Variants in PAPPA observed in about 807,000 individuals in gnomAD.
The protein encoded by PAPPA is pappalysin-1.
Under a neutral mutation model 164.0 loss-of-function variants are expected in PAPPA, and 60 were observed. The observed-to-expected ratio is 0.37, with a 90% CI of 0.30 to 0.45. PAPPA has a LOEUF of 0.45. PAPPA is among the 20% of genes least tolerant of loss of function. The probability of loss-of-function intolerance (pLI) is 1.00; values close to 1 mark genes in which losing one functional copy is unlikely to be tolerated. For synonymous variants in PAPPA, 875 were observed against 814.1 expected, an observed-to-expected ratio of 1.07 and a Z score of -1.27; for missense variants, 1,782 against 2,087.3, an observed-to-expected ratio of 0.85 and a Z score of 2.85.
At chr9:116,367,561 G>C in intron 18 of PAPPA, 84 bp from the exon 19 acceptor site, 1 of 974,662 alleles carries the variant, frequency 1.0e-6, no homozygotes, top group South Asian at 1.4e-5. Context: ...ACCAGGGAGT[G>C]GGAGGGCCCA....
chr9:116,155,258 C>A (rs903957842), intron 1 of PAPPA, among the ~76,000 whole-genome samples: 1 of 152,172 alleles, frequency 6.6e-6, no homozygotes, highest in African/African-American at 2.4e-5. Context: ...GGCTGCGAAA[C>A]GGGGCGCTTT....
chr9:116,362,507 A>C, intron 17 of PAPPA, 85 bp from the exon 18 acceptor site: 3 of 1,436,142 alleles, frequency 2.1e-6, no homozygotes, highest in Non-Finnish European at 9.5e-7. Context: ...AGAGATGAAA[A>C]ATTCTTTTCT....
chr9:116,382,241 T>C (rs1846741994), intron 20 of PAPPA, among the ~76,000 whole-genome samples, 154 bp from the exon 21 acceptor site: 1 of 152,084 alleles, frequency 6.6e-6, no homozygotes. Context: ...AGGTGATAAC[T>C]CATTCAAGGG....
Position 116,211,827 on chromosome 9 carries a change from C to G in PAPPA, c.1813C>G (p.Pro605Ala), listed in dbSNP as rs1844311252. 1.2e-6 allele frequency: 2 copies of G among 1,614,116 alleles called. No homozygotes were observed. The highest frequency in any genetic ancestry group is 1.7e-6 in the Non-Finnish European group (2 of 1,179,996). Residue 605 changes from proline (P) to alanine (A), a missense_variant, in exon 4 of 22, where the codon CCA becomes GCA. Transcript: ENST00000328252. The part of the protein sequence containing the change: ...ETGDLCNDTN[P>A]APKHKSCGDP... Reference sequence around the variant, plus strand: ...TGGAGACCTCTGCAATGATACCAACCCAGCCCCTAAACACAAGTCCTGTGG... The same window carrying G: ...TGGAGACCTCTGCAATGATACCAACGCAGCCCCTAAACACAAGTCCTGTGG...
At chr9:116,376,740 G>A (rs1846658410) in intron 19 of PAPPA, among the ~76,000 whole-genome samples, 1 of 152,178 alleles carries the variant, frequency 6.6e-6, no homozygotes, top group South Asian at 2.1e-4. Flanking sequence ...CATAAATTTT[G>A]AGCAGACATT....
chr9:116,244,339 A>T lies in PAPPA; in HGVS notation c.2732+8702A>T, dbSNP rs1844771796. On this transcript the variant is annotated intron_variant, in intron 7 of 21. Coordinates refer to ENST00000328252, the MANE Select transcript of PAPPA (RefSeq NM_002581.5). Reference sequence around the variant, plus strand: ...TATAGGTTCTCTTCTACAGATGGGCAAACTGAGACCCATAGAAGTTAAAAA... The same window carrying T: ...TATAGGTTCTCTTCTACAGATGGGCTAACTGAGACCCATAGAAGTTAAAAA... 2.6e-5 allele frequency among the ~76,000 whole-genome samples: 4 copies of T among 152,360 alleles called. No homozygotes were observed. In the South Asian group the frequency reaches 8.3e-4, roughly 32 times the overall value.
At chr9:116,162,606 T>G (rs1486174229) in intron 1 of PAPPA, among the ~76,000 whole-genome samples, 1 of 152,196 alleles carries the variant, frequency 6.6e-6, no homozygotes, top group African/African-American at 2.4e-5. Context: ...ACTTTTCCCC[T>G]CTGTAAAGTG....
intron 1 of PAPPA, among the ~76,000 whole-genome samples, chr9:116,162,026 G>A (rs547301881): frequency 6.6e-6 from 1 of 152,076 alleles, no homozygotes; most frequent in African/African-American, 2.4e-5. Context: ...CACAGCCCAG[G>A]CTTCAGATCT....
At chr9:116,298,065 A>G (rs1465370111) in intron 9 of PAPPA, among the ~76,000 whole-genome samples, 1 of 152,232 alleles carries the variant, frequency 6.6e-6, no homozygotes, top group African/African-American at 2.4e-5. Context: ...CAATAGCTCT[A>G]ACCTGAGCCT....
chr9:116,374,918 T>G (rs1588026144), intron 19 of PAPPA, among the ~76,000 whole-genome samples: 2 of 152,382 alleles, frequency 1.3e-5, no homozygotes, highest in East Asian at 1.9e-4. Context: ...AAAGGAATAC[T>G]GAAACAACCC....
chr9:116,253,352 G>T (rs1161336468), intron 7 of PAPPA, among the ~76,000 whole-genome samples: 1 of 152,100 alleles, frequency 6.6e-6, no homozygotes. Context: ...CCTCCATTTT[G>T]ACTGAGCTTC....
chr9:116,251,489 T>C (rs1338251310), intron 7 of PAPPA, among the ~76,000 whole-genome samples: 2 of 152,170 alleles, frequency 1.3e-5, no homozygotes, highest in Non-Finnish European at 2.9e-5. Context: ...GAGATGGCTT[T>C]CCTTACTGGC....
At chr9:116,283,478 G>A (rs1845291704) in intron 9 of PAPPA, among the ~76,000 whole-genome samples, 2 of 152,184 alleles carry the variant, frequency 1.3e-5, no homozygotes, top group South Asian at 2.1e-4. Flanking sequence ...GGGGGTGAGT[G>A]GGCAGTTCTC....
intron 17 of PAPPA, among the ~76,000 whole-genome samples, chr9:116,357,230 A>C (rs1261618244): frequency 6.6e-6 from 1 of 152,262 alleles, no homozygotes; most frequent in Non-Finnish European, 1.5e-5. Context: ...GCAAATGAGC[A>C]ACAAAATGTT....
intron 2 of PAPPA, among the ~76,000 whole-genome samples, chr9:116,192,408 C>G (rs1258524617): frequency 1.3e-5 from 2 of 152,212 alleles, no homozygotes; most frequent in Non-Finnish European, 2.9e-5. Context: ...TTCAGTTTAT[C>G]TCACGGAAAA....
chr9:116,166,106 TA>T (rs971664868), intron 1 of PAPPA, among the ~76,000 whole-genome samples: 3 of 152,172 alleles, frequency 2.0e-5, no homozygotes, highest in Non-Finnish European at 4.4e-5. Context: ...TTGCATTACG[TA>T]ACCAAAGCAC....
chr9:116,295,227 G>T (rs182097553), intron 9 of PAPPA, among the ~76,000 whole-genome samples: 270 of 152,180 alleles, frequency 1.8e-3, no homozygotes, highest in Non-Finnish European at 3.0e-3. Context: ...CTTACTTAAG[G>T]GTAATCAACT....
chr9:116,360,650 TTTC>T (rs766775507), intron 17 of PAPPA, among the ~76,000 whole-genome samples: 13 of 152,240 alleles, frequency 8.5e-5, no homozygotes, highest in Non-Finnish European at 1.3e-4. Context: ...GTTCATTTAT[TTTC>T]TTATTTCTTA....
intron 4 of PAPPA, among the ~76,000 whole-genome samples, chr9:116,219,253 T>C (rs1844412991): frequency 6.6e-6 from 1 of 152,216 alleles, no homozygotes; most frequent in Admixed American, 6.5e-5. Context: ...TTAGTAGCCT[T>C]GTAACAACCT....
Sources: allele counts gnomAD v4.1 joint callset (sites outside exome capture counted in the v4.1 genomes callset), GRCh38; gene constraint gnomAD v4.1.1; transcripts MANE v1.5; gene names NCBI Gene and HGNC (gene_info 2026-07-23, HGNC 2026-07-21).